The following PCDH15 variants were observed in gnomAD, a reference collection of about 807,000 sequenced individuals.
PCDH15 encodes the protein protocadherin-15.
A neutral mutation model predicts 178.5 loss-of-function variants in PCDH15; 129 were observed. The ratio of observed to expected loss-of-function variants is 0.72; its 90% CI spans 0.63 to 0.84. The LOEUF (loss-of-function observed/expected upper bound fraction) is 0.84, where lower values mean the gene tolerates loss of function less well. PCDH15 is among the 40% of genes least tolerant of loss of function. The pLI, the probability that PCDH15 is intolerant of heterozygous loss-of-function variation, is 0.00. For synonymous variants in PCDH15, 800 were observed against 732.0 expected, an observed-to-expected ratio of 1.09 and a Z score of -1.50; for missense variants, 2,230 against 2,099.9, an observed-to-expected ratio of 1.06 and a Z score of -1.21.
At chr10:54,859,903 T>C (rs1209038993) in intron 3 of PCDH15, among the ~76,000 whole-genome samples, 2 of 151,898 alleles carry the variant, frequency 1.3e-5, no homozygotes, top group Non-Finnish European at 2.9e-5. Flanking sequence ...AATAATGTAA[T>C]TCTCCAACCT....
chr10:54,529,331 C>T (rs79626387), intron 2 of PCDH15, among the ~76,000 whole-genome samples: 5,640 of 152,140 alleles, frequency 0.037, 119 homozygotes, highest in East Asian at 0.081. Flanking sequence ...CCCAGCACTA[C>T]ACTATTTGTC....
At chr10:54,213,827 T>C (rs1199878705) in intron 10 of PCDH15, 109 bp downstream of exon 10, 9 of 709,782 alleles carry the variant, frequency 1.3e-5, no homozygotes, top group African/African-American at 1.3e-4. Flanking sequence ...CTGACTGCTG[T>C]CCACATTAAT....
chr10:55,351,580 T>G (rs1844935926), intron 2 of PCDH15, among the ~76,000 whole-genome samples: 1 of 152,140 alleles, frequency 6.6e-6, no homozygotes, highest in East Asian at 1.9e-4. Flanking sequence ...TTGTTTCAAA[T>G]TCAAACCAAG....
At chr10:55,345,339 G>C (rs1042255499) in intron 2 of PCDH15, among the ~76,000 whole-genome samples, 8 of 152,044 alleles carry the variant, frequency 5.3e-5, no homozygotes, top group African/African-American at 1.9e-4. Context: ...CTAAAAACAA[G>C]GAGTATATCT....
At chr10:53,821,402 G>A in intron 32 of PCDH15, 3 of 995,952 alleles carry the variant, frequency 3.0e-6, no homozygotes, top group East Asian at 1.0e-4. Flanking sequence ...AAATACATAG[G>A]CTTCAAGAAA....
At chr10:54,209,681 G>A (rs189999056) in intron 10 of PCDH15, among the ~76,000 whole-genome samples, 4 of 152,174 alleles carry the variant, frequency 2.6e-5, no homozygotes, top group Admixed American at 2.6e-4. Context: ...GATGTCCGTA[G>A]GCATCAGAAG....
At chr10:53,813,300 T>A (rs2075943304) in intron 35 of PCDH15, among the ~76,000 whole-genome samples, 1 of 152,190 alleles carries the variant, frequency 6.6e-6, no homozygotes, top group Admixed American at 6.5e-5. Context: ...CTACCCTAGA[T>A]CCTGTAGGTA....
At chr10:55,320,338 C>T (rs910081242), upstream of PCDH15, among the ~76,000 whole-genome samples, 1 of 151,970 alleles carries the variant, frequency 6.6e-6, no homozygotes, top group Admixed American at 6.6e-5. Context: ...TCCAACCCCA[C>T]TCCAAACCTC....
chr10:54,012,144 T>C (rs1252228492), intron 20 of PCDH15, among the ~76,000 whole-genome samples: 1 of 151,992 alleles, frequency 6.6e-6, no homozygotes, highest in Non-Finnish European at 1.5e-5. Flanking sequence ...TTTTATATTG[T>C]GATTGCATTA....
chr10:54,395,429 T>TACACACAC (rs3069910), intron 3 of PCDH15, among the ~76,000 whole-genome samples: 7 of 144,930 alleles, frequency 4.8e-5, no homozygotes, highest in Middle Eastern at 3.3e-3. Flanking sequence ...GTGCATGTAT[T>TACACACAC]ACACACACAC....
At chr10:53,813,022 T>A (rs992035848) in intron 35 of PCDH15, among the ~76,000 whole-genome samples, 24 of 152,082 alleles carry the variant, frequency 1.6e-4, no homozygotes, top group African/African-American at 5.8e-4. Flanking sequence ...TTTTAAAAAA[T>A]TGAATTCATT....
intron 2 of PCDH15, among the ~76,000 whole-genome samples, chr10:55,524,719 G>A: frequency 6.6e-6 from 1 of 151,430 alleles, no homozygotes; most frequent in Admixed American, 6.6e-5. Flanking sequence ...TGAGGTATTG[G>A]AGTCATTGTC....
chr10:54,239,464 A>G (rs1174974400), intron 8 of PCDH15, among the ~76,000 whole-genome samples: 12 of 150,160 alleles, frequency 8.0e-5, no homozygotes, highest in Admixed American at 7.9e-4. Flanking sequence ...AAAAGAAACA[A>G]GTGTAGTATT....
chr10:54,214,100 G>T, intron 9 of PCDH15, 52 bp from the exon 10 acceptor site: 4 of 977,258 alleles, frequency 4.1e-6, no homozygotes, highest in South Asian at 3.9e-5. Context: ...AGTAATATGT[G>T]TATCTGCTTT....
intron 3 of PCDH15, among the ~76,000 whole-genome samples, chr10:54,439,540 C>A (rs1176814554): frequency 3.9e-5 from 6 of 151,922 alleles, no homozygotes; most frequent in Admixed American, 6.6e-5. Context: ...TATTTATAGG[C>A]AACTGTTCTG....
chr10:55,237,428 A>C (rs750362603), intron 1 of PCDH15, among the ~76,000 whole-genome samples: 10 of 152,170 alleles, frequency 6.6e-5, no homozygotes, highest in Non-Finnish European at 1.2e-4. Flanking sequence ...AAATTCTAGA[A>C]TTTGAAGTAT....
At chr10:55,580,014 G>A (rs551007330) in intron 2 of PCDH15, among the ~76,000 whole-genome samples, 1 of 151,950 alleles carries the variant, frequency 6.6e-6, no homozygotes, top group Non-Finnish European at 1.5e-5. Context: ...CTGCCACCAC[G>A]CCTGGCTAAC....
intron 11 of PCDH15, among the ~76,000 whole-genome samples, chr10:54,194,131 A>G (rs1376283818): frequency 1.3e-5 from 2 of 151,816 alleles, no homozygotes; most frequent in Non-Finnish European, 2.9e-5. Context: ...AAAATAAAGC[A>G]TCTGGTGGGA....
rs34014513 is a variant in PCDH15, at chr10:54,853,643, A to AT, written c.-29+43806dup. ...TTAAAAAAGCTCTGGAAAAAAAAAG[A>AT]TTTTTTTTTCACTAAAATTGTTTTT... On this transcript the variant is annotated intron_variant, in intron 3 of 5. Transcript: ENST00000458638. Among the ~76,000 whole-genome samples, 1,105 of 150,224 alleles carry AT rather than the reference A, an allele frequency of 7.4e-3. 15 individuals are homozygous for AT. The highest frequency in any genetic ancestry group is 0.026 in the African/African-American group (1,055 of 40,946).
Sources: allele counts gnomAD v4.1 joint callset (sites outside exome capture counted in the v4.1 genomes callset), GRCh38; gene constraint gnomAD v4.1.1; transcripts MANE v1.5; gene names NCBI Gene and HGNC (gene_info 2026-07-23, HGNC 2026-07-21).